The following RAP1GDS1 variants were observed in gnomAD, a reference collection of about 807,000 sequenced individuals.
The protein encoded by RAP1GDS1 is RAP1, GTP-GDP dissociation stimulator 1.
In RAP1GDS1, 35 loss-of-function variants were observed where a neutral mutation model predicts 71.1. The ratio of observed to expected loss-of-function variants is 0.49; its 90% CI spans 0.38 to 0.65. RAP1GDS1 has a LOEUF of 0.65. Among genes scored for constraint, RAP1GDS1 ranks in the 30% least tolerant of loss-of-function variants. The probability of loss-of-function intolerance (pLI) is 0.00; values close to 1 mark genes in which losing one functional copy is unlikely to be tolerated. For missense variants in RAP1GDS1, 663 were observed against 706.1 expected (o/e 0.94, Z 0.69); for synonymous variants, 229 against 243.1 (o/e 0.94, Z 0.54).
intron 7 of RAP1GDS1, among the ~76,000 whole-genome samples, chr4:98,412,202 AAAAAT>A (rs1747171487): frequency 6.6e-6 from 1 of 152,222 alleles, no homozygotes; most frequent in Non-Finnish European, 1.5e-5. Context: ...ATCCAACTGA[AAAAAT>A]AAAGTTTAAA....
At chr4:98,270,781 C>T (rs1350271175) in intron 1 of RAP1GDS1, among the ~76,000 whole-genome samples, 5 of 151,874 alleles carry the variant, frequency 3.3e-5, no homozygotes, top group Non-Finnish European at 4.4e-5. Flanking sequence ...TCCCCTTTTA[C>T]CTCCTCCACC....
intron 5 of RAP1GDS1, among the ~76,000 whole-genome samples, chr4:98,391,407 A>G (rs1453562139): frequency 6.6e-6 from 1 of 152,136 alleles, no homozygotes; most frequent in Admixed American, 6.5e-5. Flanking sequence ...ATCTCTTCCT[A>G]GCAGTCATCA....
chr4:98,352,662 T>A (rs1737389153), intron 4 of RAP1GDS1, 61 bp downstream of exon 4: 1 of 1,575,902 alleles, frequency 6.3e-7, no homozygotes, highest in Non-Finnish European at 8.6e-7. Flanking sequence ...TTCAGACTAA[T>A]CTGCTTTTGT....
Position 98,325,204 on chromosome 4 carries a change from A to G in RAP1GDS1, c.113-17935A>G, listed in dbSNP as rs896993596. Among the ~76,000 whole-genome samples the G allele has an allele frequency of 1.1e-4, 17 of 151,784 alleles. No individual in the cohort carries two copies. The Middle Eastern group carries it at 0.021, about 183-fold the overall frequency. ...CATCACTGGCCATCAGAGAAATGCA[A>G]ATCAAAACCACTATGAGATATCATC... On this transcript the variant is annotated intron_variant, in intron 2 of 14. Coordinates refer to ENST00000408927, the MANE Select transcript of RAP1GDS1 (RefSeq NM_001100427.2).
At chr4:98,423,631 G>A (rs184018998) in intron 12 of RAP1GDS1, among the ~76,000 whole-genome samples, 3 of 151,872 alleles carry the variant, frequency 2.0e-5, no homozygotes, top group Non-Finnish European at 4.4e-5. Flanking sequence ...TGTAACCTCC[G>A]CCTCCCGGGA....
chr4:98,304,562 G>A (rs530418736), intron 2 of RAP1GDS1, among the ~76,000 whole-genome samples: 8 of 152,052 alleles, frequency 5.3e-5, no homozygotes, highest in East Asian at 1.9e-4. Flanking sequence ...TTGTAAATTC[G>A]TTTGTAGTTC....
At chr4:98,421,663 T>C (rs1337127558) in intron 12 of RAP1GDS1, among the ~76,000 whole-genome samples, 2 of 152,154 alleles carry the variant, frequency 1.3e-5, no homozygotes, top group Non-Finnish European at 2.9e-5. Context: ...GTGCCAGGCA[T>C]TGACCATGCA....
At chr4:98,383,279 G>A (rs953054305) in intron 5 of RAP1GDS1, among the ~76,000 whole-genome samples, 11 of 151,408 alleles carry the variant, frequency 7.3e-5, no homozygotes, top group African/African-American at 2.4e-4. Flanking sequence ...ACTATTTTAC[G>A]TAAGCTATGC....
intron 12 of RAP1GDS1, among the ~76,000 whole-genome samples, chr4:98,430,206 G>A (rs1013390961): frequency 6.6e-6 from 1 of 152,276 alleles, no homozygotes; most frequent in East Asian, 1.9e-4. Context: ...GGATGGGGGT[G>A]TGTGTAGCAG....
chr4:98,391,771 C>G (rs988116849), intron 5 of RAP1GDS1, among the ~76,000 whole-genome samples, 181 bp from the exon 6 acceptor site: 3 of 152,260 alleles, frequency 2.0e-5, no homozygotes, highest in South Asian at 2.1e-4. Context: ...AAACTAAACT[C>G]TTCTGAACTA....
At chr4:98,396,217 A>G (rs2110136855) in intron 6 of RAP1GDS1, 1 of 152,494 alleles carries the variant, frequency 6.6e-6, no homozygotes, top group East Asian at 1.9e-4. Context: ...ATTACGTTTC[A>G]ACATGAGATT....
chr4:98,381,158 A>G (rs899931760), intron 5 of RAP1GDS1, among the ~76,000 whole-genome samples: 1 of 151,704 alleles, frequency 6.6e-6, no homozygotes, highest in African/African-American at 2.4e-5. Context: ...AGACTTTAGA[A>G]AGCTATATTA....
At chr4:98,276,441 A>G (rs1441132624) in intron 1 of RAP1GDS1, among the ~76,000 whole-genome samples, 3 of 152,060 alleles carry the variant, frequency 2.0e-5, no homozygotes, top group Non-Finnish European at 2.9e-5. Context: ...ACTCAAATGT[A>G]ACTGATTAAA....
At chr4:98,297,517 A>G (rs1727954977) in intron 2 of RAP1GDS1, among the ~76,000 whole-genome samples, 1 of 152,098 alleles carries the variant, frequency 6.6e-6, no homozygotes, top group Admixed American at 6.6e-5. Flanking sequence ...AGACATTATT[A>G]TTATATCTAC....
chr4:98,394,390 A>G (rs1744206535), intron 6 of RAP1GDS1, among the ~76,000 whole-genome samples: 1 of 152,170 alleles, frequency 6.6e-6, no homozygotes. Context: ...GAACTGTGGT[A>G]ATGGAAGAGG....
chr4:98,385,843 G>A (rs1742664061), intron 5 of RAP1GDS1, among the ~76,000 whole-genome samples: 2 of 151,666 alleles, frequency 1.3e-5, no homozygotes, highest in South Asian at 2.1e-4. Context: ...GTAAAAGAAG[G>A]GATTTCTATG....
At chr4:98,345,712 A>G (rs958671645) in intron 3 of RAP1GDS1, among the ~76,000 whole-genome samples, 7 of 152,324 alleles carry the variant, frequency 4.6e-5, no homozygotes, top group South Asian at 2.1e-4. Context: ...AGATAGAGTT[A>G]TTTTATACAG....
At chr4:98,263,117 C>G (rs999865012) in intron 1 of RAP1GDS1, among the ~76,000 whole-genome samples, 2 of 152,052 alleles carry the variant, frequency 1.3e-5, no homozygotes, top group African/African-American at 4.8e-5. Flanking sequence ...TATGTGTGTT[C>G]CCTTTGAACA....
intron 4 of RAP1GDS1, among the ~76,000 whole-genome samples, chr4:98,366,996 C>T (rs1284386947): frequency 2.0e-5 from 3 of 152,114 alleles, no homozygotes; most frequent in Non-Finnish European, 4.4e-5. Context: ...AAGGAGGAAC[C>T]GAATGTTAAT....
Sources: allele counts gnomAD v4.1 joint callset (sites outside exome capture counted in the v4.1 genomes callset), GRCh38; gene constraint gnomAD v4.1.1; transcripts MANE v1.5; gene names NCBI Gene and HGNC (gene_info 2026-07-23, HGNC 2026-07-21).